Variants in TMCC1 observed in about 807,000 individuals in gnomAD.
The protein encoded by TMCC1 is transmembrane and coiled-coil domains protein 1.
Under a neutral mutation model 52.4 loss-of-function variants are expected in TMCC1, and 15 were observed. That is an observed-to-expected ratio of 0.29 (90% confidence interval 0.19 to 0.44). The LOEUF is 0.44. TMCC1 is among the 20% of genes least tolerant of loss of function. The pLI, the probability that TMCC1 is intolerant of heterozygous loss-of-function variation, is 1.00. For synonymous variants in TMCC1, 279 were observed against 301.9 expected, an observed-to-expected ratio of 0.92 and a Z score of 0.79; for missense variants, 503 against 806.0, an observed-to-expected ratio of 0.62 and a Z score of 4.55.
intron 2 of TMCC1, among the ~76,000 whole-genome samples, chr3:129,874,057 C>G (rs2061064431): frequency 6.6e-6 from 1 of 151,960 alleles, no homozygotes; most frequent in African/African-American, 2.4e-5. Flanking sequence ...CATAAAATAT[C>G]TGGAAGGAGA....
intron 4 of TMCC1, among the ~76,000 whole-genome samples, chr3:129,691,590 G>A (rs968086136): frequency 3.3e-5 from 5 of 152,102 alleles, no homozygotes; most frequent in Non-Finnish European, 7.4e-5. Flanking sequence ...AGACCAGCCT[G>A]GGCAACATAA....
chr3:129,855,496 G>GA (rs1013560280), intron 2 of TMCC1, among the ~76,000 whole-genome samples: 54 of 145,982 alleles, frequency 3.7e-4, no homozygotes, highest in East Asian at 1.6e-3. Context: ...AAAATCAAAA[G>GA]AAAAAAAAAA....
rs1293039059 is a variant in TMCC1, at chr3:129,648,458, GAGCCAGTAGAGTGGAA to G, written c.*3007_*3022del. 3 of 152,186 alleles carry G rather than the reference GAGCCAGTAGAGTGGAA, an allele frequency of 2.0e-5. No homozygotes were observed. The highest frequency in any genetic ancestry group is 2.9e-5 in the Non-Finnish European group (2 of 68,036). 9.4% of individuals were successfully genotyped at this position (152,186 alleles called of 1,614,324 possible). A position where few individuals can be genotyped will look rare whatever the true frequency, so the allele number is the denominator to read the frequency against. On this transcript the variant is annotated 3_prime_UTR_variant, in exon 7 of 7. Transcript: ENST00000393238. ...ATTTAACCTACTTTTGCTTCTTAAG[GAGCCAGTAGAGTGGAA>G]AGCCTTCCTTACTAGGACATACTGA...
intron 4 of TMCC1, among the ~76,000 whole-genome samples, chr3:129,782,699 C>A (rs1229629091): frequency 6.6e-6 from 1 of 152,166 alleles, no homozygotes; most frequent in Non-Finnish European, 1.5e-5. Flanking sequence ...GAGAGAGGGG[C>A]ATCTCCTGGG....
At chr3:129,840,098 C>A (rs1350059325) in intron 2 of TMCC1, among the ~76,000 whole-genome samples, 1 of 148,056 alleles carries the variant, frequency 6.8e-6, no homozygotes, top group Non-Finnish European at 1.5e-5. Context: ...GAGGCTGAGG[C>A]AGAAGGATCG....
chr3:129,842,506 G>A lies in TMCC1; in HGVS notation c.-183-9680C>T, dbSNP rs183073649. On this transcript the variant is annotated intron_variant, in intron 2 of 6. Transcript: ENST00000393238. ...CACACACACACACACACACACACAC[G>A]TAAGCAGATAGATGTGACCTCAACA... Among the ~76,000 whole-genome samples, 442 of 146,536 alleles carry A rather than the reference G, an allele frequency of 3.0e-3. 2 individuals carry two copies. Among genetic ancestry groups the A allele is most frequent in the Non-Finnish European group, 5.1e-3 (342 of 66,662 alleles).
intron 2 of TMCC1, among the ~76,000 whole-genome samples, chr3:129,866,794 G>A (rs1391722099): frequency 2.0e-5 from 3 of 152,034 alleles, no homozygotes; most frequent in African/African-American, 7.2e-5. Flanking sequence ...TGTATATACT[G>A]GTTTTATTCA....
intron 4 of TMCC1, among the ~76,000 whole-genome samples, chr3:129,711,214 T>C (rs1187772948): frequency 6.6e-6 from 1 of 152,206 alleles, no homozygotes; most frequent in African/African-American, 2.4e-5. Flanking sequence ...ACTGATGCAC[T>C]CCAGAATCAC....
At chr3:129,825,514 T>C (rs2058619327) in intron 4 of TMCC1, among the ~76,000 whole-genome samples, 1 of 150,398 alleles carries the variant, frequency 6.6e-6, no homozygotes, top group Admixed American at 6.7e-5. Context: ...CTCCGAAGTT[T>C]ACATCTATCT....
intron 1 of TMCC1, among the ~76,000 whole-genome samples, chr3:129,892,196 C>T (rs1039441304): frequency 6.6e-5 from 10 of 152,204 alleles, no homozygotes; most frequent in South Asian, 2.1e-4. Context: ...TCCTATGCTG[C>T]TGATCAGCAA....
chr3:129,814,926 G>C (rs2058024596), intron 4 of TMCC1, among the ~76,000 whole-genome samples: 1 of 152,024 alleles, frequency 6.6e-6, no homozygotes, highest in Non-Finnish European at 1.5e-5. Flanking sequence ...AGATCTAAAG[G>C]GAGAGATAGA....
chr3:129,690,086 C>T (rs534005347), intron 4 of TMCC1, among the ~76,000 whole-genome samples: 47 of 152,312 alleles, frequency 3.1e-4, no homozygotes, highest in African/African-American at 1.1e-3. Flanking sequence ...AATCTCACCA[C>T]TTAGAAGACC....
rs2086307455 is a variant in TMCC1, at chr3:129,651,328, C to T, written c.*153G>A. On this transcript the variant is annotated 3_prime_UTR_variant, in exon 7 of 7. Coordinates refer to ENST00000393238, the MANE Select transcript of TMCC1 (RefSeq NM_001017395.5). This position sits in a 1 kb window ranked among gnomAD's most constrained non-coding sequence, Gnocchi z 5.1. ...AATCTAAAAAATACTATTGCAATTGCGTCTCTTGAAGAAAAAAACATTATT... is the reference window on the plus strand; with the variant it reads ...AATCTAAAAAATACTATTGCAATTGTGTCTCTTGAAGAAAAAAACATTATT... 1.1e-5 allele frequency: 10 copies of T among 878,072 alleles called. No homozygotes were observed. The highest frequency in any genetic ancestry group is 4.3e-5 in the South Asian group (2 of 46,666). 54.4% of individuals were successfully genotyped at this position (878,072 alleles called of 1,614,324 possible).
At chr3:129,663,029 C>T (rs954193887) in intron 5 of TMCC1, among the ~76,000 whole-genome samples, 2 of 152,146 alleles carry the variant, frequency 1.3e-5, no homozygotes, top group Non-Finnish European at 2.9e-5. Flanking sequence ...AAGATTTTGT[C>T]GTAGGTAAAT....
chr3:129,760,440 G>C (rs1274119509), intron 4 of TMCC1, among the ~76,000 whole-genome samples: 1 of 141,240 alleles, frequency 7.1e-6, no homozygotes. Context: ...GTGTGTTTTT[G>C]AGACAGTCTC....
intron 5 of TMCC1, among the ~76,000 whole-genome samples, chr3:129,657,246 T>C (rs984772159): frequency 4.6e-5 from 7 of 152,184 alleles, no homozygotes; most frequent in Non-Finnish European, 7.3e-5. Context: ...CACAACCTCT[T>C]AGCCTACAAA....
intron 4 of TMCC1, among the ~76,000 whole-genome samples, chr3:129,696,729 T>C (rs984135794): frequency 1.3e-5 from 2 of 152,202 alleles, no homozygotes; most frequent in Admixed American, 6.5e-5. Flanking sequence ...GGTACAGGCA[T>C]TGGGTAAATA....
At chr3:129,875,279 G>A (rs934761210) in intron 2 of TMCC1, among the ~76,000 whole-genome samples, 4 of 151,856 alleles carry the variant, frequency 2.6e-5, no homozygotes, top group African/African-American at 9.7e-5. Flanking sequence ...CCTAAGGTCA[G>A]GAGTTCGAAA....
At chr3:129,652,346 C>T (rs1407687643) in intron 6 of TMCC1, among the ~76,000 whole-genome samples, 1 of 152,160 alleles carries the variant, frequency 6.6e-6, no homozygotes, top group Non-Finnish European at 1.5e-5. Flanking sequence ...AACGGACTCC[C>T]TCTTGGCCAA....
Sources: gnomAD v4.1 joint callset for allele counts (sites outside exome capture counted in the v4.1 genomes callset) on GRCh38, gnomAD v4.1.1 for gene constraint, Gnocchi (gnomAD v3.1) non-coding constraint, MANE v1.5 for transcripts, NCBI Gene and HGNC (gene_info 2026-07-23, HGNC 2026-07-21) for gene names.